The following CHD7 variants were observed in gnomAD, a reference collection of about 807,000 sequenced individuals.
CHD7 encodes chromodomain helicase DNA binding protein 7.
CHD7 carries 24 observed loss-of-function variants against 307.3 expected under a neutral mutation model. The ratio of observed to expected loss-of-function variants is 0.08; its 90% confidence interval spans 0.06 to 0.11. The LOEUF (loss-of-function observed/expected upper bound fraction) is 0.11. Among genes scored for constraint, CHD7 ranks in the 10% least tolerant of loss-of-function variants. The pLI is 1.00. For missense variants in CHD7, 3,106 were observed against 3,727.1 expected (o/e 0.83, Z 4.34); for synonymous variants, 1,363 against 1,349.9 (o/e 1.01, Z -0.21).
Position 60,836,119 on chromosome 8 carries a change from A to T in CHD7, c.3825A>T (p.Ala1275=), listed in dbSNP as rs1355369979. The T allele has an allele frequency of 2.5e-5, 41 of 1,613,174 alleles. No individual in the cohort carries two copies. Among genetic ancestry groups the T allele is most frequent in the Non-Finnish European group, 3.4e-5 (40 of 1,179,664 alleles). The change falls in exon 16 of 38, where the codon GCA becomes GCT. Residue 1275 remains alanine (A), a synonymous_variant. Coordinates refer to ENST00000423902, the MANE Select transcript of CHD7 (RefSeq NM_017780.4). ...AAGAGTTTAAAGAAACACACAATGCAGAGTCTCCAGATTTTCAGCTCCAGG... is the reference window on the plus strand; with the variant it reads ...AAGAGTTTAAAGAAACACACAATGCTGAGTCTCCAGATTTTCAGCTCCAGG... The part of the protein sequence containing the change: ...ILEEFKETHN[A]ESPDFQLQAM...
Position 60,742,399 on chromosome 8 carries a change from G to A in CHD7, c.967G>A (p.Val323Ile), listed in dbSNP as rs1809087487. 6.2e-7 allele frequency: 1 copy of A among 1,613,866 alleles called. No individual in the cohort carries two copies. Among genetic ancestry groups the A allele is most frequent in the Non-Finnish European group, 8.5e-7 (1 of 1,179,868 alleles). Residue 323 changes from valine to isoleucine, a missense_variant, in exon 2 of 38, where the codon GTT becomes ATT. Around this residue, in one of 10 missense-constraint regions of CHD7, gnomAD observed 998 missense variants for 1,004.5 expected, o/e 0.99. Transcript: ENST00000423902. The part of the protein sequence containing the change: ...YPYSNLNQGL[V>I]NNTGMNQNLG... ...TTACAGTAACCTAAATCAGGGATTA[G>A]TTAACAATACAGGGATGAATCAAAA...
chr8:60,830,592 C>T lies in CHD7; in HGVS notation c.3778+15C>T. Reference sequence around the variant, plus strand: ...CCTTATCAATGGTAAGGCTGCCCTGCTCGCGAACTTGCTTAAGTGACGATT... The same window carrying T: ...CCTTATCAATGGTAAGGCTGCCCTGTTCGCGAACTTGCTTAAGTGACGATT... On this transcript the variant is annotated intron_variant, in intron 15 of 37. Coordinates refer to ENST00000423902, the MANE Select transcript of CHD7 (RefSeq NM_017780.4). 2 of 1,607,548 alleles carry T rather than the reference C, an allele frequency of 1.2e-6. No homozygotes were observed. The highest frequency in any genetic ancestry group is 1.7e-6 in the Non-Finnish European group (2 of 1,175,458).
chr8:60,725,876 C>T lies in CHD7; in HGVS notation c.-174-15383C>T, dbSNP rs181545857. ...TCTGGGAGGTACCTGAGCCGTTTTC[C>T]TGGAGGTGGTGCTGGCAGGCATCCC... On this transcript the variant is annotated intron_variant, in intron 1 of 37. Transcript: ENST00000423902. Among the ~76,000 whole-genome samples the T allele has an allele frequency of 1.7e-3, 259 of 152,242 alleles. 1 individual carries two copies. The highest frequency in any genetic ancestry group is 6.1e-3 in the African/African-American group (254 of 41,532).
chr8:60,778,439 AAGG>A (rs1385172105), intron 2 of CHD7, among the ~76,000 whole-genome samples: 2 of 151,054 alleles, frequency 1.3e-5, no homozygotes, highest in African/African-American at 2.4e-5. Flanking sequence ...TTATTACTAA[AAGG>A]AGCATCTAAC....
chr8:60,709,051 G>T (rs1586193134), intron 1 of CHD7, among the ~76,000 whole-genome samples: 1 of 152,140 alleles, frequency 6.6e-6, no homozygotes, highest in East Asian at 1.9e-4. Flanking sequence ...CTTTCCTTTT[G>T]CGGAATTCCT....
At chr8:60,802,070 A>G (rs1476622154) in intron 6 of CHD7, among the ~76,000 whole-genome samples, 1 of 152,230 alleles carries the variant, frequency 6.6e-6, no homozygotes, top group Non-Finnish European at 1.5e-5. Context: ...TTGCCAGTGC[A>G]AAGGTGAAAT....
chr8:60,748,593 A>G (rs1276210732), intron 2 of CHD7, among the ~76,000 whole-genome samples: 1 of 152,202 alleles, frequency 6.6e-6, no homozygotes, highest in Non-Finnish European at 1.5e-5. Flanking sequence ...GCACAGAGCA[A>G]CATTTTGTTC....
intron 1 of CHD7, 150 bp downstream of exon 1, chr8:60,679,232 G>C (rs1220425075): frequency 2.0e-5 from 3 of 149,248 alleles, no homozygotes; most frequent in African/African-American, 7.4e-5. Context: ...GCGAGGGCGG[G>C]AGGGGGCCGG....
chr8:60,784,937 G>A (rs927638608), intron 3 of CHD7, among the ~76,000 whole-genome samples: 16 of 151,778 alleles, frequency 1.1e-4, no homozygotes, highest in Admixed American at 6.6e-4. Context: ...TTTTTGTATC[G>A]ATTTTTCTAG....
Position 60,823,836 on chromosome 8 carries a change from A to G in CHD7, c.3202-4A>G. ...TTAATAATAATTCAGAGTTGTTCTTATAGGGTCGAGTGATAAAGGGGTCCT... is the reference window on the plus strand; with the variant it reads ...TTAATAATAATTCAGAGTTGTTCTTGTAGGGTCGAGTGATAAAGGGGTCCT... On this transcript the variant is annotated splice_polypyrimidine_tract_variant and splice_region_variant and intron_variant, in intron 12 of 37. Coordinates refer to ENST00000423902, the MANE Select transcript of CHD7 (RefSeq NM_017780.4). The G allele has an allele frequency of 5.0e-6, 8 of 1,612,362 alleles. No homozygotes were observed. The highest frequency in any genetic ancestry group is 6.8e-6 in the Non-Finnish European group (8 of 1,178,520).
intron 2 of CHD7, among the ~76,000 whole-genome samples, chr8:60,759,435 C>A (rs921888454): frequency 2.0e-5 from 3 of 150,654 alleles, no homozygotes; most frequent in Non-Finnish European, 4.4e-5. Flanking sequence ...CCCTCTCTCC[C>A]GCTCTCTGTC....
intron 1 of CHD7, among the ~76,000 whole-genome samples, chr8:60,687,984 T>C (rs1482170004): frequency 1.3e-5 from 2 of 152,274 alleles, no homozygotes; most frequent in African/African-American, 4.8e-5. Context: ...CATGCCATGC[T>C]GTGATGCTAC....
At chr8:60,837,551 TA>T in intron 17 of CHD7, 116 bp from the exon 18 acceptor site, 1 of 886,002 alleles carries the variant, frequency 1.1e-6, no homozygotes, top group Non-Finnish European at 1.7e-6. Context: ...ATTACTTCCC[TA>T]AGGCGCCACC....
chr8:60,702,953 G>T (rs1202213026), intron 1 of CHD7, among the ~76,000 whole-genome samples: 1 of 152,192 alleles, frequency 6.6e-6, no homozygotes, highest in African/African-American at 2.4e-5. Context: ...TTGACATGGT[G>T]GCAGAAAAGA....
At chr8:60,682,559 T>G (rs1330267858) in intron 1 of CHD7, among the ~76,000 whole-genome samples, 2 of 152,210 alleles carry the variant, frequency 1.3e-5, no homozygotes, top group Admixed American at 1.3e-4. Flanking sequence ...TGAAAAAGTT[T>G]GCTTGCCACA....
chr8:60,708,264 A>T (rs1205068224), intron 1 of CHD7, among the ~76,000 whole-genome samples: 1 of 152,164 alleles, frequency 6.6e-6, no homozygotes, highest in Non-Finnish European at 1.5e-5. Flanking sequence ...CTTTCTCCCC[A>T]ACCATTCTGC....
chr8:60,692,208 T>C (rs1247784950), intron 1 of CHD7, among the ~76,000 whole-genome samples: 1 of 149,404 alleles, frequency 6.7e-6, no homozygotes, highest in Non-Finnish European at 1.5e-5. Flanking sequence ...TTCTCTTGCA[T>C]GTAACTGAAT....
rs550955782 is a variant in CHD7 at position 60,839,722 on chromosome 8, G to A, written c.4533+1467G>A. On this transcript the variant is annotated intron_variant, in intron 19 of 37. Transcript: ENST00000423902. ...TGAGCATCTTTTCATGTGCTTATTG[G>A]CCAGATGTAGATCATCTTTGGAAAA... Among the ~76,000 whole-genome samples the A allele has an allele frequency of 1.8e-3, 277 of 152,182 alleles. 1 individual carries two copies. The highest frequency in any genetic ancestry group is 6.8e-3 in the Middle Eastern group (2 of 294).
At chr8:60,714,406 GCCCCCCCCCCCCCCCC>G (rs71245516) in intron 1 of CHD7, among the ~76,000 whole-genome samples, 4 of 17,622 alleles carry the variant, frequency 2.3e-4, no homozygotes, top group South Asian at 2.4e-3. Flanking sequence ...CCGGGAGAAG[GCCCCCCCCCCCCCCCC>G]CCCCCGCCCC....
Sources: gnomAD v4.1 joint callset for allele counts (sites outside exome capture counted in the v4.1 genomes callset) on GRCh38, gnomAD v4.1.1 for gene constraint, gnomAD v4.1.1 regional missense constraint, MANE v1.5 for transcripts, NCBI Gene and HGNC (gene_info 2026-07-23, HGNC 2026-07-21) for gene names.